The following INPP4B variants were observed in gnomAD, a reference collection of about 807,000 sequenced individuals.
The protein encoded by INPP4B is inositol polyphosphate-4-phosphatase type II B, also known as inositol polyphosphate 4-phosphatase type II.
A neutral mutation model predicts 122.5 loss-of-function variants in INPP4B; 55 were observed. That is an observed-to-expected ratio of 0.45 (90% CI 0.36 to 0.56). INPP4B has a LOEUF of 0.56. Among genes scored for constraint, INPP4B ranks in the 20% least tolerant of loss-of-function variants. The pLI, the probability that INPP4B is intolerant of heterozygous loss-of-function variation, is 0.00. For synonymous variants in INPP4B, 403 were observed against 388.7 expected (o/e 1.04, Z -0.43); for missense variants, 1,000 against 1,097.7 (o/e 0.91, Z 1.26).
At chr4:142,688,776 G>A (rs1759734886) in intron 2 of INPP4B, among the ~76,000 whole-genome samples, 1 of 152,186 alleles carries the variant, frequency 6.6e-6, no homozygotes, top group Non-Finnish European at 1.5e-5. Flanking sequence ...TAGGACTCAT[G>A]CAGCTGGAGG....
intron 1 of INPP4B, among the ~76,000 whole-genome samples, chr4:142,824,594 A>G (rs1781220690): frequency 6.6e-6 from 1 of 152,172 alleles, no homozygotes; most frequent in Non-Finnish European, 1.5e-5. Flanking sequence ...TCAAAGGCAC[A>G]ATCCAGAAGC....
At chr4:142,642,459 G>A (rs1750724206) in intron 2 of INPP4B, among the ~76,000 whole-genome samples, 1 of 152,134 alleles carries the variant, frequency 6.6e-6, no homozygotes, top group Non-Finnish European at 1.5e-5. Flanking sequence ...GTATAAGGAA[G>A]GGATCCAGTT....
At chr4:142,254,535 G>A (rs1161266091) in intron 11 of INPP4B, among the ~76,000 whole-genome samples, 2 of 152,300 alleles carry the variant, frequency 1.3e-5, no homozygotes, top group Admixed American at 1.3e-4. Context: ...GAAAGCCAAG[G>A]CTCGAGAACT....
intron 2 of INPP4B, among the ~76,000 whole-genome samples, chr4:142,618,678 G>T (rs1414253659): frequency 6.6e-6 from 1 of 152,010 alleles, no homozygotes; most frequent in Non-Finnish European, 1.5e-5. Flanking sequence ...TCTTGACAAT[G>T]ATTTCTTGCA....
At chr4:142,452,397 C>G (rs1170667841) in intron 3 of INPP4B, among the ~76,000 whole-genome samples, 1 of 152,198 alleles carries the variant, frequency 6.6e-6, no homozygotes, top group African/African-American at 2.4e-5. Flanking sequence ...TGTTCTGTGT[C>G]ATTCAGCAAA....
At chr4:142,720,946 T>C (rs13141925) in intron 2 of INPP4B, among the ~76,000 whole-genome samples, 87,637 of 139,210 alleles carry the variant, frequency 0.63, 27,913 homozygotes, top group East Asian at 0.77. Context: ...CAGCATCATA[T>C]ATATAGAGAG....
intron 2 of INPP4B, among the ~76,000 whole-genome samples, chr4:142,512,997 T>C (rs1455376920): frequency 6.6e-6 from 1 of 152,206 alleles, no homozygotes; most frequent in African/African-American, 2.4e-5. Context: ...AGCTTTTTAA[T>C]TTTTTCACAT....
chr4:142,671,690 G>T (rs1387783335), intron 2 of INPP4B, among the ~76,000 whole-genome samples: 1 of 152,096 alleles, frequency 6.6e-6, no homozygotes, highest in Non-Finnish European at 1.5e-5. Flanking sequence ...TAGGTTTGGA[G>T]GTCTTAGTTC....
chr4:142,492,566 A>C (rs1161375124), intron 2 of INPP4B, among the ~76,000 whole-genome samples: 5 of 152,178 alleles, frequency 3.3e-5, no homozygotes, highest in African/African-American at 1.2e-4. Flanking sequence ...GATGGACAGA[A>C]GGAACTTGTT....
At chr4:142,498,819 T>C (rs988114962) in intron 2 of INPP4B, among the ~76,000 whole-genome samples, 1 of 152,036 alleles carries the variant, frequency 6.6e-6, no homozygotes, top group Admixed American at 6.6e-5. Context: ...ATGTGTCTTA[T>C]ACTGGCAATT....
chr4:142,555,972 T>C (rs1297188736), intron 2 of INPP4B, among the ~76,000 whole-genome samples: 1 of 152,132 alleles, frequency 6.6e-6, no homozygotes, highest in Non-Finnish European at 1.5e-5. Flanking sequence ...TTTATATGTA[T>C]CTTTTCAGCA....
chr4:142,509,134 C>A (rs1217688755), intron 2 of INPP4B, among the ~76,000 whole-genome samples: 5 of 152,210 alleles, frequency 3.3e-5, no homozygotes, highest in African/African-American at 1.2e-4. Context: ...TAACACCAAA[C>A]AAGTCCATGT....
At chr4:142,450,880 AG>A (rs1334487764) in intron 3 of INPP4B, among the ~76,000 whole-genome samples, 1 of 151,710 alleles carries the variant, frequency 6.6e-6, no homozygotes, top group African/African-American at 2.4e-5. Context: ...GAAAGAAATT[AG>A]GGCAGAGGGA....
intron 1 of INPP4B, among the ~76,000 whole-genome samples, chr4:142,728,596 AGAG>A (rs776364719): frequency 6.6e-6 from 1 of 152,192 alleles, no homozygotes; most frequent in Non-Finnish European, 1.5e-5. Context: ...TACATGGAGA[AGAG>A]AAAGCCATGT....
intron 18 of INPP4B, among the ~76,000 whole-genome samples, chr4:142,145,087 T>C (rs1034007890): frequency 4.6e-5 from 7 of 152,200 alleles, no homozygotes; most frequent in Middle Eastern, 6.8e-3. Context: ...TGTGTCAATA[T>C]TAATCAAACA....
chr4:142,532,940 T>C (rs1411089106), intron 2 of INPP4B, among the ~76,000 whole-genome samples: 1 of 152,172 alleles, frequency 6.6e-6, no homozygotes, highest in Non-Finnish European at 1.5e-5. Flanking sequence ...TGTTAGCACT[T>C]GTAAATCACA....
intron 16 of INPP4B, among the ~76,000 whole-genome samples, chr4:142,162,837 T>C (rs1820775965): frequency 6.6e-6 from 1 of 151,892 alleles, no homozygotes; most frequent in Admixed American, 6.6e-5. Flanking sequence ...TTAAACATAA[T>C]AATAGCTAAT....
intron 3 of INPP4B, among the ~76,000 whole-genome samples, chr4:142,449,016 G>C (rs1813556427): frequency 6.6e-6 from 1 of 152,158 alleles, no homozygotes; most frequent in Admixed American, 6.5e-5. Flanking sequence ...TTTCTGCCCA[G>C]GAAAACCAAT....
chr4:142,137,688 A>G (rs1168460077), intron 18 of INPP4B, among the ~76,000 whole-genome samples: 7 of 143,828 alleles, frequency 4.9e-5, no homozygotes, highest in Admixed American at 7.1e-5. Flanking sequence ...CAAATTTACA[A>G]GAAAAAAACA....
Sources: allele counts gnomAD v4.1 joint callset (sites outside exome capture counted in the v4.1 genomes callset), GRCh38; gene constraint gnomAD v4.1.1; transcripts MANE v1.5; gene names NCBI Gene and HGNC (gene_info 2026-07-23, HGNC 2026-07-21).